The following DICER1 variants were observed in gnomAD, a reference collection of about 807,000 sequenced individuals.
DICER1 encodes the protein endoribonuclease Dicer.
In DICER1, 43 loss-of-function variants were observed where a neutral mutation model predicts 194.1. That is an observed-to-expected ratio of 0.22 (90% confidence interval 0.17 to 0.29). DICER1 has a LOEUF of 0.29. Ranked by LOEUF, DICER1 falls within the 10% of genes least tolerant of loss-of-function variation. The pLI, the probability that DICER1 is intolerant of heterozygous loss-of-function variation, is 1.00. For synonymous variants in DICER1, 832 were observed against 820.5 expected, an observed-to-expected ratio of 1.01 and a Z score of -0.24; for missense variants, 1,608 against 2,317.0, an observed-to-expected ratio of 0.69 and a Z score of 6.28.
At chr14:95,100,938 G>A (rs577069864) in intron 21 of DICER1, among the ~76,000 whole-genome samples, 6 of 152,272 alleles carry the variant, frequency 3.9e-5, no homozygotes, top group East Asian at 1.9e-4. Context: ...TGCCTGAAAC[G>A]TAGCAGGCTG....
rs373799387 is a variant in DICER1 at position 95,112,145 on chromosome 14, T to C, written c.2116+27A>G. 1.1e-5 allele frequency: 17 copies of C among 1,594,462 alleles called. No homozygotes were observed. In the African/African-American group the frequency reaches 2.0e-4, roughly 19 times the overall value. On this transcript the variant is annotated intron_variant, in intron 13 of 26. Transcript: ENST00000343455. ...TACAATGGTTGCAATTTATTTTCATTCGTATATGCTTTTCAAACATCCTTA... is the reference window on the plus strand; with the variant it reads ...TACAATGGTTGCAATTTATTTTCATCCGTATATGCTTTTCAAACATCCTTA...
chr14:95,129,021 CT>C (rs1893719824), intron 6 of DICER1: 1 of 155,816 alleles, frequency 6.4e-6, no homozygotes, highest in Admixed American at 6.2e-5. Flanking sequence ...CAAACAGCAA[CT>C]TTCTCTGAAA....
chr14:95,105,747 C>A lies in DICER1; in HGVS notation c.3024G>T (p.Lys1008Asn), dbSNP rs750927764. ...NLLTPRHLNQ[K>N]GKALPLSSAE... ...CACTGCTTAAAGGAAGCGCTTTCCCCTTCTGATTCAAATGTCGAGGTGTCA... is the reference window on the plus strand; with the variant it reads ...CACTGCTTAAAGGAAGCGCTTTCCCATTCTGATTCAAATGTCGAGGTGTCA... Residue 1008 changes from lysine (K) to asparagine (N), a missense_variant, in exon 19 of 27, where the codon AAG becomes AAT. Coordinates refer to ENST00000343455, the MANE Select transcript of DICER1 (RefSeq NM_177438.3). This position sits in a 1 kb window ranked among gnomAD's most constrained non-coding sequence, Gnocchi z 4.9. The A allele has an allele frequency of 6.2e-7, 1 of 1,614,192 alleles. No homozygotes were observed. The highest frequency in any genetic ancestry group is 1.1e-5 in the South Asian group (1 of 91,076).
chr14:95,105,347 C>T lies in DICER1; in HGVS notation c.3094-101G>A, dbSNP rs1260848123. The T allele has an allele frequency of 4.6e-6, 5 of 1,082,994 alleles. No homozygotes were observed. The highest frequency in any genetic ancestry group is 7.0e-6 in the Non-Finnish European group (5 of 718,046). 67.1% of individuals were successfully genotyped at this position (1,082,994 alleles called of 1,614,324 possible). ...TAATGGATAAAGAAAATCATAAATGCTAGTAAAACTTAATTTTAAAAAATA... is the reference window on the plus strand; with the variant it reads ...TAATGGATAAAGAAAATCATAAATGTTAGTAAAACTTAATTTTAAAAAATA... On this transcript the variant is annotated intron_variant, in intron 19 of 26. Transcript: ENST00000343455. This position sits in a 1 kb window ranked among gnomAD's most constrained non-coding sequence, Gnocchi z 4.9.
intron 8 of DICER1, among the ~76,000 whole-genome samples, chr14:95,123,574 C>T (rs1893125319): frequency 3.3e-5 from 5 of 152,084 alleles, no homozygotes; most frequent in Admixed American, 3.3e-4. Context: ...AGGCATACAC[C>T]ACCACCGGCT....
intron 14 of DICER1, among the ~76,000 whole-genome samples, chr14:95,110,371 T>C (rs148141937): frequency 6.8e-4 from 104 of 152,294 alleles, no homozygotes; most frequent in African/African-American, 2.5e-3. Context: ...CACACGCACA[T>C]GCATCCCCAT....
Position 95,096,665 on chromosome 14 carries a change from C to G in DICER1, c.4255G>C (p.Glu1419Gln), listed in dbSNP as rs775839852. Residue 1419 changes from glutamate (E) to glutamine (Q), a missense_variant, in exon 23 of 27, where the codon GAG (glutamate) becomes CAG (glutamine). Coordinates refer to ENST00000343455, the MANE Select transcript of DICER1 (RefSeq NM_177438.3). ...ANGKLDEDYEEEDEEEESLMW... is the reference protein window; with the variant it reads ...ANGKLDEDYEQEDEEEESLMW... ...AGGCTCTCCTCCTCCTCATCCTCCT[C>G]CTCGTAATCCTCATCCAGTTTGCCA... 1.2e-6 allele frequency: 2 copies of G among 1,613,004 alleles called. No individual in the cohort carries two copies. Among genetic ancestry groups the G allele is most frequent in the Non-Finnish European group, 1.7e-6 (2 of 1,179,534 alleles).
In DICER1 at chr14:95,131,634, G is replaced by A; in HGVS notation, c.313C>T (p.Gln105Ter). 6.2e-7 allele frequency: 1 copy of A among 1,613,616 alleles called. No individual in the cohort carries two copies. The highest frequency in any genetic ancestry group is 8.5e-7 in the Non-Finnish European group (1 of 1,179,652). The change falls in exon 4 of 27, where the codon CAG (glutamine) becomes TAG (stop). Residue 105 changes from glutamine to a stop codon, truncating the protein, a stop_gained. Transcript: ENST00000343455. LOFTEE classifies it high-confidence loss of function. ...RTVFLVNSAN[Q>*]VAQQVSAVRT... ...ACAGCTGACACTTGTTGAGCAACCTGGTTTGCTAATTACAAATATAATACT... is the reference window on the plus strand; with the variant it reads ...ACAGCTGACACTTGTTGAGCAACCTAGTTTGCTAATTACAAATATAATACT...
intron 21 of DICER1, among the ~76,000 whole-genome samples, chr14:95,100,547 TTC>T (rs1416109146): frequency 2.0e-5 from 3 of 152,246 alleles, no homozygotes; most frequent in Admixed American, 6.5e-5. Context: ...ACCAAAAGGT[TTC>T]TGTTTATTCA....
At chr14:95,107,019 C>A (rs183218988) in intron 17 of DICER1, among the ~76,000 whole-genome samples, 2 of 152,146 alleles carry the variant, frequency 1.3e-5, no homozygotes, top group African/African-American at 2.4e-5. Flanking sequence ...GAGAACGGGT[C>A]GACCTTAAGA....
At chr14:95,129,314 T>A in intron 6 of DICER1, 158 bp downstream of exon 6, 1 of 654,622 alleles carries the variant, frequency 1.5e-6, no homozygotes, top group South Asian at 1.9e-5. Flanking sequence ...AACTCACAGG[T>A]AATGGTACTT....
chr14:95,093,574 C>T (rs748981390), intron 24 of DICER1, among the ~76,000 whole-genome samples: 3 of 152,180 alleles, frequency 2.0e-5, no homozygotes, highest in Non-Finnish European at 2.9e-5. Flanking sequence ...CCTTGGGGTC[C>T]GGCAGTGGAG....
At chr14:95,107,205 T>G (rs1265981243) in intron 17 of DICER1, among the ~76,000 whole-genome samples, 7 of 152,010 alleles carry the variant, frequency 4.6e-5, no homozygotes, top group Non-Finnish European at 8.8e-5. Context: ...TATTAGTAAT[T>G]ACAATGCTAA....
At chr14:95,132,125 G>C (rs962670874) in intron 3 of DICER1, among the ~76,000 whole-genome samples, 1 of 152,072 alleles carries the variant, frequency 6.6e-6, no homozygotes, top group Admixed American at 6.5e-5. Context: ...TAATTTCTAA[G>C]CAGCATGTAA....
In DICER1 at chr14:95,103,685, G is replaced by A. The variant is rs1595365243; in HGVS notation, c.3711C>T (p.Leu1237=). 1.2e-6 allele frequency: 2 copies of A among 1,614,160 alleles called. No individual in the cohort carries two copies. The highest frequency in any genetic ancestry group is 1.3e-5 in the African/African-American group (1 of 75,058). The stretch of plus-strand genomic sequence containing the variant: ...TTCCATCAAGGTATTTATTACTCAG[G>A]AGAGTACATTCATCGCTGGGCTGGG... The part of the protein sequence containing the change: ...NQPQPSDECT[L]LSNKYLDGNA... The change falls in exon 21 of 27, where the codon CTC becomes CTT. Residue 1237 remains leucine, a synonymous_variant. Transcript: ENST00000343455.
intron 1 of DICER1, among the ~76,000 whole-genome samples, chr14:95,148,454 AC>A (rs1895287782): frequency 6.6e-6 from 1 of 152,208 alleles, no homozygotes; most frequent in Admixed American, 6.5e-5. Flanking sequence ...TAGAGGACAG[AC>A]CAAATATATA....
chr14:95,157,627 AATCCCGGCCCCCC>A (rs1895987027), upstream of DICER1: 1 of 152,240 alleles, frequency 6.6e-6, no homozygotes, highest in South Asian at 2.1e-4. Context: ...GTGAAAGGTT[AATCCCGGCCCCCC>A]AGCCACTCAG....
Position 95,112,128 on chromosome 14 carries a change from T to C in DICER1, c.2116+44A>G, listed in dbSNP as rs578008885. On this transcript the variant is annotated intron_variant, in intron 13 of 26. Coordinates refer to ENST00000343455, the MANE Select transcript of DICER1 (RefSeq NM_177438.3). ...TCTATATGCTTTTTTTTTACAATGG[T>C]TGCAATTTATTTTCATTCGTATATG... 14 of 1,532,932 alleles carry C rather than the reference T, an allele frequency of 9.1e-6. No homozygotes were observed. In the East Asian group the frequency reaches 2.0e-4, roughly 22 times the overall value. The allele number at this position is 1,532,932 out of a possible 1,614,324, so 95.0% of individuals were successfully genotyped here.
rs575820559 is a variant in DICER1, at chr14:95,091,829, G to A, written c.5365-464C>T. Among the ~76,000 whole-genome samples the A allele has an allele frequency of 3.3e-5, 5 of 152,222 alleles. No individual in the cohort carries two copies. In the South Asian group the frequency reaches 1.0e-3, roughly 32 times the overall value. ...GGGGAGCAGAAATCGCTGTTGTAGG[G>A]AAATAGGGAAATTATATTTGAAAGA... On this transcript the variant is annotated intron_variant, in intron 24 of 26. Coordinates refer to ENST00000343455, the MANE Select transcript of DICER1 (RefSeq NM_177438.3).
Sources: allele counts gnomAD v4.1 joint callset (sites outside exome capture counted in the v4.1 genomes callset), GRCh38; gene constraint gnomAD v4.1.1; non-coding constraint Gnocchi (gnomAD v3.1); transcripts MANE v1.5; gene names NCBI Gene and HGNC (gene_info 2026-07-23, HGNC 2026-07-21).